The following HS6ST1 variants were observed in gnomAD, a reference collection of about 807,000 sequenced individuals.
The protein encoded by HS6ST1 is heparan-sulfate 6-O-sulfotransferase 1.
Under a neutral mutation model 25.2 loss-of-function variants are expected in HS6ST1, and 3 were observed. That is an observed-to-expected ratio of 0.12 (90% confidence interval 0.05 to 0.31). The LOEUF (loss-of-function observed/expected upper bound fraction) is 0.31, where lower values mean the gene tolerates loss of function less well. Ranked by LOEUF, HS6ST1 falls within the 10% of genes least tolerant of loss-of-function variation. HS6ST1 has a pLI of 1.00. For synonymous variants in HS6ST1, 204 were observed against 275.1 expected (o/e 0.74, Z 2.56); for missense variants, 310 against 609.6 (o/e 0.51, Z 5.18).
chr2:128,301,280 CCT>C (rs1301781750), intron 1 of HS6ST1, among the ~76,000 whole-genome samples: 1 of 151,944 alleles, frequency 6.6e-6, no homozygotes, highest in Non-Finnish European at 1.5e-5. Context: ...CTCCTGTACC[CCT>C]CTGTGTTGGG....
chr2:128,272,699 G>A (rs1693627231), intron 1 of HS6ST1, among the ~76,000 whole-genome samples: 1 of 152,144 alleles, frequency 6.6e-6, no homozygotes, highest in African/African-American at 2.4e-5. Flanking sequence ...TCTGGGTCCA[G>A]CCATTGAAAT....
intron 1 of HS6ST1, among the ~76,000 whole-genome samples, chr2:128,294,877 C>T (rs1336783074): frequency 6.6e-6 from 1 of 152,120 alleles, no homozygotes; most frequent in East Asian, 1.9e-4. Flanking sequence ...TGTGCTGATT[C>T]TCCATGGACA....
chr2:128,298,002 A>T (rs933623750), intron 1 of HS6ST1, among the ~76,000 whole-genome samples: 13 of 151,856 alleles, frequency 8.6e-5, no homozygotes, highest in African/African-American at 3.2e-4. Context: ...CAACCCAATT[A>T]AAAAATGTGC....
At chr2:128,304,641 C>G (rs1056396834) in intron 1 of HS6ST1, among the ~76,000 whole-genome samples, 1 of 131,810 alleles carries the variant, frequency 7.6e-6, no homozygotes, top group Non-Finnish European at 1.6e-5. Flanking sequence ...ATGCACACAG[C>G]CGCTGTAGTC....
intron 1 of HS6ST1, among the ~76,000 whole-genome samples, chr2:128,312,761 A>T (rs562094026): frequency 1.3e-4 from 20 of 152,074 alleles, no homozygotes; most frequent in South Asian, 4.2e-4. Context: ...GAATAAATTT[A>T]AAAAAAAATT....
At chr2:128,272,929 AGGCACCAACAGG>A (rs1228355604) in intron 1 of HS6ST1, among the ~76,000 whole-genome samples, 1 of 152,116 alleles carries the variant, frequency 6.6e-6, no homozygotes, top group Non-Finnish European at 1.5e-5. Context: ...GAGGTCTAGC[AGGCACCAACAGG>A]GGCAACGGCA....
rs968181689 is a variant in HS6ST1, at chr2:128,301,113, C to G, written c.527+16924G>C. On this transcript the variant is annotated intron_variant, in intron 1 of 1. Transcript: ENST00000259241. ...CAGCCTTCCCTCCCTCTGTGAGGGG[C>G]AGGGGTTTCTGGGGGCTGCGTAGCT... is the stretch of plus-strand genomic sequence containing the variant. Among the ~76,000 whole-genome samples, 15 of 152,252 alleles carry G rather than the reference C, an allele frequency of 9.9e-5. 1 individual carries two copies. The highest frequency in any genetic ancestry group is 9.1e-4 in the Admixed American group (14 of 15,302).
In HS6ST1 at chr2:128,268,522, G is replaced by A. The variant is rs1693562342; in HGVS notation, c.876C>T (p.Gly292=). The part of the protein sequence containing the change: ...KKNLRGMAFF[G]LTEFQRKTQY... ...GCGTCTTGCGCTGGAACTCGGTCAG[G>A]CCGAAGAAGGCCATGCCCCGCAGGT... Residue 292 remains glycine, a synonymous_variant, in exon 2 of 2, where the codon GGC becomes GGT. Transcript: ENST00000259241. The A allele has an allele frequency of 1.2e-6, 2 of 1,604,392 alleles. No individual in the cohort carries two copies. Among genetic ancestry groups the A allele is most frequent in the Non-Finnish European group, 1.7e-6 (2 of 1,175,362 alleles).
At chr2:128,287,651 G>A (rs1209071135) in intron 1 of HS6ST1, among the ~76,000 whole-genome samples, 2 of 152,214 alleles carry the variant, frequency 1.3e-5, no homozygotes, top group African/African-American at 2.4e-5. Flanking sequence ...TTCAATGAGG[G>A]GAGAACAGGC....
chr2:128,275,136 CAT>C (rs1693674191), intron 1 of HS6ST1, among the ~76,000 whole-genome samples: 4 of 152,092 alleles, frequency 2.6e-5, no homozygotes, highest in African/African-American at 9.6e-5. Context: ...AGTAAAAAGA[CAT>C]AGCAATAATT....
At chr2:128,275,661 G>C (rs1193257092) in intron 1 of HS6ST1, among the ~76,000 whole-genome samples, 2 of 152,224 alleles carry the variant, frequency 1.3e-5, no homozygotes, top group Non-Finnish European at 2.9e-5. Flanking sequence ...GGAAGCCACA[G>C]GCAATACCAG....
At chr2:128,301,984 A>G (rs1055952791) in intron 1 of HS6ST1, among the ~76,000 whole-genome samples, 1 of 152,176 alleles carries the variant, frequency 6.6e-6, no homozygotes, top group Non-Finnish European at 1.5e-5. Flanking sequence ...TGGGCTCTCC[A>G]TGGTGCCGCC....
chr2:128,285,120 G>A (rs748969787), intron 1 of HS6ST1, among the ~76,000 whole-genome samples: 11 of 152,202 alleles, frequency 7.2e-5, no homozygotes, highest in African/African-American at 2.4e-4. Flanking sequence ...CTAGGTCGCC[G>A]ACCACCAGCC....
At chr2:128,291,778 G>A (rs888323185) in intron 1 of HS6ST1, among the ~76,000 whole-genome samples, 10 of 152,226 alleles carry the variant, frequency 6.6e-5, no homozygotes, top group Admixed American at 5.9e-4. Context: ...CAGACCTCAC[G>A]GAGGCAACCC....
At chr2:128,290,943 T>C (rs949530581) in intron 1 of HS6ST1, among the ~76,000 whole-genome samples, 4 of 150,892 alleles carry the variant, frequency 2.7e-5, no homozygotes, top group Non-Finnish European at 4.4e-5. Flanking sequence ...GATCGTGTCA[T>C]AGCACTCCAG....
At chr2:128,305,451 T>G (rs1375621775) in intron 1 of HS6ST1, among the ~76,000 whole-genome samples, 1 of 152,206 alleles carries the variant, frequency 6.6e-6, no homozygotes, top group Non-Finnish European at 1.5e-5. Flanking sequence ...CCTGCTCACC[T>G]TCCTGCCTGC....
At chr2:128,284,311 C>A (rs973673987) in intron 1 of HS6ST1, among the ~76,000 whole-genome samples, 6 of 152,132 alleles carry the variant, frequency 3.9e-5, no homozygotes, top group Non-Finnish European at 7.4e-5. Context: ...GCCCCCCACC[C>A]TAGGGGCCTT....
intron 1 of HS6ST1, among the ~76,000 whole-genome samples, chr2:128,302,039 C>T: frequency 6.6e-6 from 1 of 152,184 alleles, no homozygotes; most frequent in East Asian, 1.9e-4. Flanking sequence ...AGAAGACATT[C>T]CCGCCAGAGC....
chr2:128,279,254 T>A (rs573700580), intron 1 of HS6ST1, among the ~76,000 whole-genome samples: 1 of 151,850 alleles, frequency 6.6e-6, no homozygotes, highest in East Asian at 1.9e-4. Flanking sequence ...TGGCAATTTT[T>A]ATACCAGTGC....
Sources: gnomAD v4.1 joint callset for allele counts (sites outside exome capture counted in the v4.1 genomes callset) on GRCh38, gnomAD v4.1.1 for gene constraint, MANE v1.5 for transcripts, NCBI Gene and HGNC (gene_info 2026-07-23, HGNC 2026-07-21) for gene names.